The following TMPRSS15 variants were observed in gnomAD, a reference collection of about 807,000 sequenced individuals.
TMPRSS15 encodes transmembrane serine protease 15.
TMPRSS15 carries 128 observed loss-of-function variants against 125.3 expected under a neutral mutation model. The ratio of observed to expected loss-of-function variants is 1.02; its 90% confidence interval spans 0.89 to 1.18. The LOEUF is 1.18. Ranked by LOEUF, TMPRSS15 falls within the 50% of genes most tolerant of loss-of-function variation. The pLI is 0.00. For synonymous variants in TMPRSS15, 446 were observed against 423.2 expected (o/e 1.05, Z -0.66); for missense variants, 1,283 against 1,212.7 (o/e 1.06, Z -0.86).
At position 18,395,397 on chromosome 21, in the gene TMPRSS15, C is replaced by T. The variant is rs146444526; in HGVS notation, c.344+2482G>A. On this transcript the variant is annotated intron_variant, in intron 3 of 24. Coordinates refer to ENST00000284885, the MANE Select transcript of TMPRSS15 (RefSeq NM_002772.3). ...CTCTGAACCACACATTAATAATTCA[C>T]GACAGACTGATAATCTAAAACTTCA... Among the ~76,000 whole-genome samples, 6 of 152,268 alleles carry T rather than the reference C, an allele frequency of 3.9e-5. No homozygotes were observed. In the South Asian group the frequency reaches 6.2e-4, roughly 16 times the overall value.
chr21:18,358,172 A>G (rs541665329), intron 8 of TMPRSS15, among the ~76,000 whole-genome samples: 1 of 151,988 alleles, frequency 6.6e-6, no homozygotes, highest in East Asian at 1.9e-4. Context: ...AATAATATTT[A>G]GACAGACCAT....
At chr21:18,385,343 C>G (rs2075933642) in intron 3 of TMPRSS15, among the ~76,000 whole-genome samples, 1 of 152,184 alleles carries the variant, frequency 6.6e-6, no homozygotes, top group Non-Finnish European at 1.5e-5. Flanking sequence ...TGGCTAACCC[C>G]TAATTTTACT....
In TMPRSS15 at chr21:18,290,142, G is replaced by A. The variant is rs1382303264; in HGVS notation, c.2486+4128C>T. ...ATAGGAACAATGTTTTTTGTTATTG[G>A]AATCAAGATGTAAAAATACAGAAGA... On this transcript the variant is annotated intron_variant, in intron 21 of 24. Transcript: ENST00000284885. Among the ~76,000 whole-genome samples, 5 of 152,212 alleles carry A rather than the reference G, an allele frequency of 3.3e-5. No individual in the cohort carries two copies. The South Asian group carries it at 1.0e-3, about 32-fold the overall frequency.
chr21:18,389,463 C>T (rs2075973351), intron 3 of TMPRSS15, among the ~76,000 whole-genome samples: 1 of 152,120 alleles, frequency 6.6e-6, no homozygotes, highest in African/African-American at 2.4e-5. Context: ...GAGCACTGTA[C>T]TGGCCTCCTT....
intron 11 of TMPRSS15, 64 bp downstream of exon 11, chr21:18,343,891 G>A: frequency 7.0e-7 from 1 of 1,431,648 alleles, no homozygotes; most frequent in Non-Finnish European, 9.9e-7. Context: ...TGAGCCTGGT[G>A]GCCTGAGCAA....
At chr21:18,383,134 G>A (rs969321708) in intron 4 of TMPRSS15, among the ~76,000 whole-genome samples, 10 of 151,938 alleles carry the variant, frequency 6.6e-5, no homozygotes, top group Admixed American at 3.9e-4. Context: ...GTGCTTGAAC[G>A]GTGCAAAGAA....
intron 5 of TMPRSS15, among the ~76,000 whole-genome samples, chr21:18,378,668 A>T (rs956156717): frequency 6.6e-6 from 1 of 152,052 alleles, no homozygotes; most frequent in African/African-American, 2.4e-5. Flanking sequence ...ACTTAAAGGG[A>T]TTAGTGACAC....
intron 18 of TMPRSS15, among the ~76,000 whole-genome samples, chr21:18,303,316 G>A (rs1203805456): frequency 1.3e-5 from 2 of 151,568 alleles, no homozygotes; most frequent in East Asian, 3.9e-4. Context: ...AAAATCATGG[G>A]GGAAAAAAGA....
intron 3 of TMPRSS15, among the ~76,000 whole-genome samples, chr21:18,396,259 TAGA>T (rs1168319275): frequency 3.3e-4 from 50 of 152,114 alleles, no homozygotes; most frequent in Admixed American, 3.3e-3. Flanking sequence ...CCACCCTCCC[TAGA>T]AGTTGTTATA....
chr21:18,417,428 A>C (rs1235059823), intron 1 of TMPRSS15, among the ~76,000 whole-genome samples: 2 of 152,180 alleles, frequency 1.3e-5, no homozygotes, highest in Admixed American at 1.3e-4. Flanking sequence ...GATGGCATGA[A>C]TATGTCCTAA....
At chr21:18,403,054 T>C (rs2076111512) in intron 1 of TMPRSS15, among the ~76,000 whole-genome samples, 1 of 152,200 alleles carries the variant, frequency 6.6e-6, no homozygotes, top group African/African-American at 2.4e-5. Context: ...AAATAAACAA[T>C]ATTTTCTGTT....
intron 15 of TMPRSS15, 89 bp downstream of exon 15, chr21:18,329,080 G>A (rs1202620188): frequency 1.3e-6 from 2 of 1,487,146 alleles, no homozygotes; most frequent in Non-Finnish European, 1.9e-6. Flanking sequence ...AGTTGTAAAA[G>A]AGTGATTACA....
At chr21:18,421,693 C>T (rs1047000450) in intron 1 of TMPRSS15, among the ~76,000 whole-genome samples, 3 of 152,122 alleles carry the variant, frequency 2.0e-5, no homozygotes, top group African/African-American at 7.2e-5. Context: ...CTTTTGAATG[C>T]TCTTCTCCTT....
upstream of TMPRSS15, among the ~76,000 whole-genome samples, chr21:18,405,414 A>G (rs770037100): frequency 1.3e-5 from 2 of 152,232 alleles, no homozygotes; most frequent in Non-Finnish European, 2.9e-5. Context: ...TTAAACAAAC[A>G]GATGAATGTG....
At chr21:18,314,469 G>T (rs539288769) in intron 17 of TMPRSS15, among the ~76,000 whole-genome samples, 2 of 152,150 alleles carry the variant, frequency 1.3e-5, no homozygotes, top group East Asian at 3.9e-4. Context: ...GTAGAGACAG[G>T]GTTTCACCAT....
intron 1 of TMPRSS15, among the ~76,000 whole-genome samples, chr21:18,451,731 C>G (rs563198338): frequency 3.2e-4 from 48 of 152,170 alleles, no homozygotes; most frequent in Non-Finnish European, 5.4e-4. Flanking sequence ...CTCTTCTACT[C>G]TGTTTTCTAT....
At chr21:18,354,412 C>T (rs748396548) in intron 8 of TMPRSS15, among the ~76,000 whole-genome samples, 2 of 151,020 alleles carry the variant, frequency 1.3e-5, no homozygotes, top group Admixed American at 6.6e-5. Flanking sequence ...GTATAAACTG[C>T]TTAGAGGATT....
At chr21:18,294,960 C>A (rs2074884910) in intron 19 of TMPRSS15, among the ~76,000 whole-genome samples, 1 of 152,058 alleles carries the variant, frequency 6.6e-6, no homozygotes, top group African/African-American at 2.4e-5. Context: ...GAATAAAAAG[C>A]AATATTTGCA....
chr21:18,398,347 G>C lies in TMPRSS15; in HGVS notation c.146-18C>G. The C allele has an allele frequency of 6.2e-7, 1 of 1,612,316 alleles. No individual in the cohort carries two copies. Among genetic ancestry groups the C allele is most frequent in the Admixed American group, 1.7e-5 (1 of 59,962 alleles). On this transcript the variant is annotated intron_variant, in intron 1 of 24. Coordinates refer to ENST00000284885, the MANE Select transcript of TMPRSS15 (RefSeq NM_002772.3). ...TGCTGCACCTAGATAAATTAATAAGGAAAAAACACTAAGATTTTGGATTAT... is the reference window on the plus strand; with the variant it reads ...TGCTGCACCTAGATAAATTAATAAGCAAAAAACACTAAGATTTTGGATTAT...
Sources: allele counts gnomAD v4.1 joint callset (sites outside exome capture counted in the v4.1 genomes callset), GRCh38; gene constraint gnomAD v4.1.1; transcripts MANE v1.5; gene names NCBI Gene and HGNC (gene_info 2026-07-23, HGNC 2026-07-21).